ARHGEF11: variants seen among roughly 807,000 people sequenced by gnomAD.
ARHGEF11 encodes the protein Rho guanine exchange factor (GEF) 11.
A neutral mutation model predicts 193.7 loss-of-function variants in ARHGEF11; 55 were observed. That is an observed-to-expected ratio of 0.28 (90% confidence interval 0.23 to 0.36). The LOEUF (loss-of-function observed/expected upper bound fraction) is 0.36, where lower values mean the gene tolerates loss of function less well. Among genes scored for constraint, ARHGEF11 ranks in the 10% least tolerant of loss-of-function variants. The pLI is 1.00. For missense variants in ARHGEF11, 1,723 were observed against 2,005.6 expected (o/e 0.86, Z 2.69); for synonymous variants, 693 against 768.0 (o/e 0.90, Z 1.62).
At chr1:156,941,494 T>C (rs1166297259) in intron 34 of ARHGEF11, 61 bp from the exon 35 acceptor site, 2 of 1,554,400 alleles carry the variant, frequency 1.3e-6, no homozygotes, top group African/African-American at 1.4e-5. Context: ...ACTCATGCAT[T>C]AGAATGGGCA....
chr1:156,976,989 T>G lies in ARHGEF11; in HGVS notation c.576A>C (p.Glu192Asp), dbSNP rs770352688. Residue 192 changes from glutamate to aspartate, a missense_variant, in exon 7 of 41, where the codon GAA becomes GAC. Glu to Asp is a conservative substitution (Grantham distance 45). Around this residue, in one of 5 missense-constraint regions of ARHGEF11, gnomAD observed 646 missense variants for 710.7 expected, o/e 0.91. Coordinates refer to ENST00000368194, the MANE Select transcript of ARHGEF11 (RefSeq NM_198236.3). Reference protein sequence around the residue: ...LRNMLRQEEKELQRICEVYSR... With the variant: ...LRNMLRQEEKDLQRICEVYSR... Reference sequence around the variant, plus strand: ...CCCTTGGCAGTGACCTTACCTGTAATTCTTTTTCTTCCTGCCTCAGCATAT... The same window carrying G: ...CCCTTGGCAGTGACCTTACCTGTAAGTCTTTTTCTTCCTGCCTCAGCATAT... The G allele has an allele frequency of 5.0e-6, 8 of 1,614,114 alleles. No homozygotes were observed. In the South Asian group the frequency reaches 8.8e-5, roughly 18 times the overall value.
intron 1 of ARHGEF11, among the ~76,000 whole-genome samples, chr1:156,993,564 A>G (rs115759551): frequency 0.016 from 2,440 of 152,320 alleles, 35 homozygotes; most frequent in Non-Finnish European, 0.026. Flanking sequence ...AAACCAGGAA[A>G]GAGACAAGAG....
At chr1:156,942,583 G>T in intron 33 of ARHGEF11, 107 bp downstream of exon 33, 1 of 965,902 alleles carries the variant, frequency 1.0e-6, no homozygotes. Flanking sequence ...CCTTGTCCAG[G>T]GACTGCTTTG....
chr1:156,957,921 AG>A, intron 17 of ARHGEF11, 106 bp from the exon 18 acceptor site: 1 of 1,063,664 alleles, frequency 9.4e-7, no homozygotes, highest in Non-Finnish European at 1.5e-6. Context: ...AAGGAGGGTT[AG>A]TGGGGGAAAA....
intron 22 of ARHGEF11, among the ~76,000 whole-genome samples, chr1:156,949,389 T>C (rs1399028709): frequency 6.6e-6 from 1 of 152,110 alleles, no homozygotes; most frequent in Non-Finnish European, 1.5e-5. Context: ...GGTTTTCTGA[T>C]ATTATTAGTA....
intron 1 of ARHGEF11, among the ~76,000 whole-genome samples, chr1:157,042,134 A>G (rs1030222590): frequency 7.2e-5 from 11 of 152,110 alleles, no homozygotes; most frequent in African/African-American, 1.7e-4. Flanking sequence ...TCTGAGTCCT[A>G]CCACTCTTAA....
chr1:157,002,019 G>C (rs1667259715), intron 1 of ARHGEF11, among the ~76,000 whole-genome samples: 1 of 152,172 alleles, frequency 6.6e-6, no homozygotes, highest in Admixed American at 6.5e-5. Flanking sequence ...TAAGCAAAAA[G>C]TGTGGTTGCA....
At chr1:156,945,913 C>A (rs1278788768) in intron 29 of ARHGEF11, 132 bp downstream of exon 29, 2 of 678,356 alleles carry the variant, frequency 2.9e-6, no homozygotes, top group East Asian at 5.3e-5. Context: ...TGAAACACCC[C>A]ACAACAGAAA....
rs796111263 is a variant in ARHGEF11, at chr1:156,954,631, T to C, written c.1798+261A>G. On this transcript the variant is annotated intron_variant, in intron 21 of 40. Transcript: ENST00000368194. ...GCTGTCCCTGCAGGAGAAGGGGCCT[T>C]GCCCCCTGGAACTCTGAGTTAGGAG... Among the ~76,000 whole-genome samples the C allele has an allele frequency of 1.7e-4, 26 of 152,340 alleles. 1 individual carries two copies. Among genetic ancestry groups the C allele is most frequent in the African/African-American group, 6.3e-4 (26 of 41,594 alleles).
Position 156,954,380 on chromosome 1 carries a change from C to CAAAAAAAAAAA in ARHGEF11, c.1798+501_1798+511dup, listed in dbSNP as rs559848711. On this transcript the variant is annotated intron_variant, in intron 21 of 40. Coordinates refer to ENST00000368194, the MANE Select transcript of ARHGEF11 (RefSeq NM_198236.3). Reference sequence around the variant, plus strand: ...GGGCCACAGAGTGAAACTGTGTCTCCAAAAAAAAAAAAAAAAAAAAAAAAA... The same window carrying CAAAAAAAAAAA: ...GGGCCACAGAGTGAAACTGTGTCTCCAAAAAAAAAAAAAAAAAAAAAAAAAAAAAAAAAAAA... Among the ~76,000 whole-genome samples the CAAAAAAAAAAA allele has an allele frequency of 1.6e-4, 12 of 75,148 alleles. 1 individual carries two copies. Among genetic ancestry groups the CAAAAAAAAAAA allele is most frequent in the Non-Finnish European group, 2.0e-4 (8 of 40,082 alleles). 49.3% of individuals were successfully genotyped at this position (75,148 alleles called of 152,430 possible).
chr1:156,965,803 T>C (rs1195388323), intron 11 of ARHGEF11, among the ~76,000 whole-genome samples: 1 of 152,218 alleles, frequency 6.6e-6, no homozygotes, highest in Non-Finnish European at 1.5e-5. Flanking sequence ...TAAAAAAGTA[T>C]GTTCACTTAG....
rs761961538 is a variant in ARHGEF11, at chr1:156,956,546, G to A, written c.1545C>T (p.Ala515=). The change falls in exon 19 of 41, where the codon GCC becomes GCT. Residue 515 remains alanine, a synonymous_variant. Transcript: ENST00000368194. ...EEDRSAPMDF[A]LNTYMSHAGI... is the part of the protein sequence containing the mutation. Reference sequence around the variant, plus strand: ...CAGCATGGCTCATGTAGGTATTGAGGGCGAAGTCCATGGGGGCGCTGTAAA... The same window carrying A: ...CAGCATGGCTCATGTAGGTATTGAGAGCGAAGTCCATGGGGGCGCTGTAAA... The A allele has an allele frequency of 3.7e-6, 6 of 1,614,060 alleles. No individual in the cohort carries two copies. In the Admixed American group the frequency reaches 1.0e-4, roughly 27 times the overall value.
At chr1:156,974,375 C>T (rs1257528514) in intron 7 of ARHGEF11, among the ~76,000 whole-genome samples, 4 of 152,198 alleles carry the variant, frequency 2.6e-5, no homozygotes, top group South Asian at 2.1e-4. Context: ...GTCCCACTGA[C>T]ATTTTCAACG....
chr1:156,979,126 A>C, intron 5 of ARHGEF11, 103 bp downstream of exon 5: 1 of 1,133,734 alleles, frequency 8.8e-7, no homozygotes, highest in Non-Finnish European at 1.3e-6. Flanking sequence ...ACATATCTAC[A>C]AAGGAAACCT....
chr1:156,972,285 G>A (rs1458807329), intron 7 of ARHGEF11, among the ~76,000 whole-genome samples: 1 of 152,240 alleles, frequency 6.6e-6, no homozygotes, highest in East Asian at 1.9e-4. Flanking sequence ...CTCCTGGAGA[G>A]CAGGTACCAT....
chr1:156,981,103 A>G (rs992694767), intron 3 of ARHGEF11, among the ~76,000 whole-genome samples: 13 of 151,820 alleles, frequency 8.6e-5, no homozygotes, highest in Admixed American at 7.9e-4. Context: ...ATCTCAGCTC[A>G]CTACAGACTG....
In ARHGEF11 at chr1:157,019,698, T is replaced by TA. The variant is rs547831212; in HGVS notation, c.32+24600dup. Among the ~76,000 whole-genome samples the TA allele has an allele frequency of 4.2e-3, 637 of 152,294 alleles. 8 individuals are homozygous for TA. Among genetic ancestry groups the TA allele is most frequent in the Non-Finnish European group, 3.3e-3 (223 of 68,026 alleles). ...GCAATGAAAAGGAACACACTATTGA[T>TA]AGACACACCAATATAGATCCACTGC... is the stretch of plus-strand genomic sequence containing the variant. On this transcript the variant is annotated intron_variant, in intron 1 of 40. Transcript: ENST00000368194.
intron 1 of ARHGEF11, among the ~76,000 whole-genome samples, chr1:157,032,621 C>A (rs1417032506): frequency 6.6e-6 from 1 of 152,144 alleles, no homozygotes; most frequent in Non-Finnish European, 1.5e-5. Flanking sequence ...CTGACAGGAC[C>A]AGGAGCGACA....
At chr1:157,032,257 T>G (rs1671396136) in intron 1 of ARHGEF11, among the ~76,000 whole-genome samples, 1 of 152,182 alleles carries the variant, frequency 6.6e-6, no homozygotes, top group African/African-American at 2.4e-5. Flanking sequence ...TCCAAGGTAT[T>G]CACCAGCCAC....
Sources: gnomAD v4.1 joint callset for allele counts (sites outside exome capture counted in the v4.1 genomes callset) on GRCh38, gnomAD v4.1.1 for gene constraint, gnomAD v4.1.1 regional missense constraint, MANE v1.5 for transcripts, NCBI Gene and HGNC (gene_info 2026-07-23, HGNC 2026-07-21) for gene names.